CDH13: variants seen among roughly 807,000 people sequenced by gnomAD.
CDH13 encodes the protein cadherin 13.
In CDH13, 24 loss-of-function variants were observed where a neutral mutation model predicts 63.8. The observed-to-expected ratio is 0.38, with a 90% CI of 0.27 to 0.53. The LOEUF is 0.53. Ranked by LOEUF, CDH13 falls within the 20% of genes least tolerant of loss-of-function variation. CDH13 has a pLI of 0.85. For missense variants in CDH13, 1,049 were observed against 903.1 expected (o/e 1.16, Z -2.07); for synonymous variants, 503 against 355.3 (o/e 1.42, Z -4.67).
At chr16:82,894,468 G>A (rs35301735) in intron 2 of CDH13, among the ~76,000 whole-genome samples, 2 of 151,756 alleles carry the variant, frequency 1.3e-5, no homozygotes, top group African/African-American at 2.4e-5. Context: ...ATGGTGAAAC[G>A]TCATCTCTAC....
At chr16:83,376,553 AT>A (rs1169147358) in intron 6 of CDH13, among the ~76,000 whole-genome samples, 1 of 152,312 alleles carries the variant, frequency 6.6e-6, no homozygotes, top group African/African-American at 2.4e-5. Context: ...TTAGAAAAAA[AT>A]TATTCTGGCT....
chr16:83,265,723 TCTG>T (rs1250360838), intron 5 of CDH13, among the ~76,000 whole-genome samples: 2 of 143,520 alleles, frequency 1.4e-5, no homozygotes, highest in Non-Finnish European at 3.0e-5. Context: ...CTTCTAAATT[TCTG>T]CTTTTTTTTT....
intron 10 of CDH13, among the ~76,000 whole-genome samples, chr16:83,738,753 A>G (rs12325029): frequency 0.35 from 53,576 of 151,982 alleles, 9,563 homozygotes; most frequent in Middle Eastern, 0.39. Context: ...TAAACATACA[A>G]AAATTAGCCG....
intron 1 of CDH13, among the ~76,000 whole-genome samples, chr16:82,744,203 G>A (rs2034059270): frequency 6.6e-6 from 1 of 152,196 alleles, no homozygotes; most frequent in Non-Finnish European, 1.5e-5. Context: ...ATATACCCAG[G>A]AAGCAAATAC....
intron 2 of CDH13, among the ~76,000 whole-genome samples, chr16:82,896,738 T>G (rs2151233243): frequency 6.6e-6 from 1 of 150,754 alleles, no homozygotes; most frequent in Middle Eastern, 3.5e-3. Context: ...AAAGAAAGAT[T>G]GAGTGGAATT....
intron 5 of CDH13, among the ~76,000 whole-genome samples, chr16:83,324,333 C>A (rs1368245519): frequency 1.3e-5 from 2 of 152,166 alleles, no homozygotes; most frequent in African/African-American, 2.4e-5. Flanking sequence ...CTGCTCCCGG[C>A]CTCTGCAGTC....
At chr16:82,765,600 G>A (rs8058705) in intron 1 of CDH13, among the ~76,000 whole-genome samples, 1,658 of 152,208 alleles carry the variant, frequency 0.011, 30 homozygotes, top group African/African-American at 0.038. Flanking sequence ...AAATCATGTG[G>A]CATAAAAGAG....
At chr16:83,193,067 A>G (rs2038772110) in intron 4 of CDH13, among the ~76,000 whole-genome samples, 2 of 151,704 alleles carry the variant, frequency 1.3e-5, no homozygotes, top group Admixed American at 1.3e-4. Flanking sequence ...GAGTTGTCTG[A>G]CTCACTTGGA....
intron 5 of CDH13, among the ~76,000 whole-genome samples, chr16:83,245,195 T>G (rs1904869401): frequency 6.6e-6 from 1 of 152,144 alleles, no homozygotes; most frequent in Non-Finnish European, 1.5e-5. Context: ...TCTTTACCTC[T>G]GGACTCTAAA....
intron 4 of CDH13, among the ~76,000 whole-genome samples, chr16:83,159,743 A>G (rs912728176): frequency 2.6e-5 from 4 of 152,306 alleles, no homozygotes; most frequent in Middle Eastern, 6.8e-3. Context: ...TCAAGCATAT[A>G]AAACTGTACC....
chr16:83,090,707 C>T (rs970965934), intron 3 of CDH13, among the ~76,000 whole-genome samples: 1 of 152,122 alleles, frequency 6.6e-6, no homozygotes, highest in African/African-American at 2.4e-5. Context: ...TCTGTCTGCT[C>T]CGACTGCACG....
chr16:82,630,645 T>A (rs982749057), intron 1 of CDH13, among the ~76,000 whole-genome samples: 2 of 152,206 alleles, frequency 1.3e-5, no homozygotes, highest in East Asian at 3.8e-4. Context: ...CAATCTGAAG[T>A]TCAATGTTTA....
At chr16:83,498,607 G>A (rs1381803306) in intron 7 of CDH13, among the ~76,000 whole-genome samples, 2 of 152,160 alleles carry the variant, frequency 1.3e-5, no homozygotes, top group African/African-American at 4.8e-5. Context: ...TCAGTAAAGT[G>A]CCCTGGTTAC....
intron 11 of CDH13, 117 bp from the exon 12 acceptor site, chr16:83,779,851 C>G: frequency 1.5e-6 from 1 of 687,022 alleles, no homozygotes; most frequent in Admixed American, 2.8e-5. Context: ...GAGTGAGACC[C>G]TGTCTCAAAA....
chr16:83,727,137 G>GAACATTT (rs1319192721), intron 10 of CDH13, among the ~76,000 whole-genome samples: 1 of 151,948 alleles, frequency 6.6e-6, no homozygotes. Flanking sequence ...AACATTTTCA[G>GAACATTT]CACCCTAAAG....
At chr16:83,738,320 C>T (rs989151808) in intron 10 of CDH13, among the ~76,000 whole-genome samples, 19 of 152,158 alleles carry the variant, frequency 1.2e-4, no homozygotes, top group African/African-American at 2.7e-4. Flanking sequence ...GTGAACAGTA[C>T]GTCACATTAA....
At chr16:82,915,166 G>A (rs548429858) in intron 2 of CDH13, among the ~76,000 whole-genome samples, 6 of 152,314 alleles carry the variant, frequency 3.9e-5, no homozygotes, top group South Asian at 2.1e-4. Context: ...TGGTTATAGC[G>A]CTAGTATTGT....
rs371020017 is a variant in CDH13 at position 83,344,976 on chromosome 16, A to G, written c.751A>G (p.Ile251Val). 13 of 1,613,984 alleles carry G rather than the reference A, an allele frequency of 8.1e-6. No individual in the cohort carries two copies. Among genetic ancestry groups the G allele is most frequent in the East Asian group, 2.2e-5 (1 of 44,882 alleles). The part of the protein sequence containing the change: ...NRPIFREGPY[I>V]GHVMEGSPTG... The stretch of plus-strand genomic sequence containing the variant: ...ACCGATCTTTCGGGAAGGCCCCTAC[A>G]TCGGCCACGTCATGGAAGGGTCACC... The change falls in exon 6 of 14, where the codon ATC becomes GTC. Residue 251 changes from isoleucine (I) to valine (V), a missense_variant. By Grantham distance (29) the Ile-to-Val change is conservative (BLOSUM62 3). Coordinates refer to ENST00000567109, the MANE Select transcript of CDH13 (RefSeq NM_001257.5).
chr16:82,675,154 T>A (rs1913751312), intron 1 of CDH13, among the ~76,000 whole-genome samples: 1 of 152,180 alleles, frequency 6.6e-6, no homozygotes, highest in Middle Eastern at 3.2e-3. Flanking sequence ...GGTGCCGTAT[T>A]GAAAAAAATG....
Sources: gnomAD v4.1 joint callset for allele counts (sites outside exome capture counted in the v4.1 genomes callset) on GRCh38, gnomAD v4.1.1 for gene constraint, MANE v1.5 for transcripts, NCBI Gene and HGNC (gene_info 2026-07-23, HGNC 2026-07-21) for gene names.